Variants in LRBA observed in about 807,000 individuals in gnomAD.
LRBA encodes the protein LPS responsive beige-like anchor protein, also known as lipopolysaccharide-responsive and beige-like anchor protein.
LRBA carries 176 observed loss-of-function variants against 330.0 expected under a neutral mutation model. That is an observed-to-expected ratio of 0.53 (90% CI 0.47 to 0.60). The LOEUF (loss-of-function observed/expected upper bound fraction) is 0.60. Ranked by LOEUF, LRBA falls within the 20% of genes least tolerant of loss-of-function variation. The pLI, the probability that LRBA is intolerant of heterozygous loss-of-function variation, is 0.00. For missense variants in LRBA, 3,259 were observed against 3,444.8 expected (o/e 0.95, Z 1.35); for synonymous variants, 1,230 against 1,193.0 (o/e 1.03, Z -0.64).
At chr4:150,690,411 G>C (rs1017184743) in intron 36 of LRBA, among the ~76,000 whole-genome samples, 6 of 151,682 alleles carry the variant, frequency 4.0e-5, no homozygotes, top group African/African-American at 1.5e-4. Context: ...GCTGAGGCAG[G>C]AGAAACGTTT....
chr4:150,920,093 T>C (rs968177288), intron 5 of LRBA, among the ~76,000 whole-genome samples: 1 of 152,216 alleles, frequency 6.6e-6, no homozygotes, highest in African/African-American at 2.4e-5. Flanking sequence ...ATTGTGTATA[T>C]AACATTTAAA....
chr4:150,365,714 C>T (rs1739368652), intron 47 of LRBA, among the ~76,000 whole-genome samples: 1 of 148,286 alleles, frequency 6.7e-6, no homozygotes, highest in South Asian at 2.1e-4. Context: ...TCTCTTGAAC[C>T]AGGGAGACAG....
At chr4:150,893,257 T>C (rs773632450) in intron 16 of LRBA, 108 bp from the exon 17 acceptor site, 3 of 621,178 alleles carry the variant, frequency 4.8e-6, no homozygotes, top group Middle Eastern at 4.3e-4. Flanking sequence ...TAAGTAGACA[T>C]ATGTGTGATA....
At chr4:150,708,449 T>C (rs1029452653) in intron 36 of LRBA, among the ~76,000 whole-genome samples, 35 of 151,844 alleles carry the variant, frequency 2.3e-4, no homozygotes, top group Admixed American at 2.2e-3. Flanking sequence ...TCTACAGTTA[T>C]GTTATAAAGT....
At chr4:150,325,946 G>A in intron 48 of LRBA, 48 bp from the exon 49 acceptor site, 5 of 1,006,578 alleles carry the variant, frequency 5.0e-6, no homozygotes, top group Admixed American at 1.8e-5. Flanking sequence ...GCTAATTACA[G>A]GAAATAGAAC....
chr4:150,908,239 G>T, intron 11 of LRBA, 95 bp downstream of exon 11: 1 of 1,222,320 alleles, frequency 8.2e-7, no homozygotes, highest in Non-Finnish European at 1.2e-6. Context: ...AAATTATTTT[G>T]ACACAACAAA....
intron 34 of LRBA, among the ~76,000 whole-genome samples, chr4:150,776,863 T>C (rs192477670): frequency 4.6e-5 from 7 of 152,166 alleles, no homozygotes; most frequent in Non-Finnish European, 8.8e-5. Context: ...GAATAGTAGA[T>C]GAATAAAAAA....
intron 40 of LRBA, among the ~76,000 whole-genome samples, chr4:150,512,300 A>T (rs2152138075): frequency 6.6e-6 from 1 of 152,300 alleles, no homozygotes; most frequent in East Asian, 1.9e-4. Flanking sequence ...TTTCATAACT[A>T]CTAAGGAACT....
intron 53 of LRBA, among the ~76,000 whole-genome samples, chr4:150,301,762 T>C (rs577607942): frequency 4.6e-5 from 7 of 152,144 alleles, no homozygotes; most frequent in Non-Finnish European, 1.0e-4. Flanking sequence ...AAGAATGTGA[T>C]CCTTCCTTAA....
intron 40 of LRBA, among the ~76,000 whole-genome samples, chr4:150,520,390 AT>A (rs200606360): frequency 6.6e-6 from 1 of 151,244 alleles, no homozygotes; most frequent in South Asian, 2.1e-4. Flanking sequence ...TTTAGGTTTT[AT>A]TTTTTTTTCC....
At chr4:150,852,964 C>A in intron 22 of LRBA, 21 bp from the exon 23 acceptor site, 2 of 1,467,068 alleles carry the variant, frequency 1.4e-6, no homozygotes, top group South Asian at 1.4e-5. Flanking sequence ...AATGTACAAT[C>A]AGTTAAAATA....
At chr4:150,936,402 A>G (rs1762436330) in intron 2 of LRBA, among the ~76,000 whole-genome samples, 1 of 152,052 alleles carries the variant, frequency 6.6e-6, no homozygotes, top group Admixed American at 6.5e-5. Flanking sequence ...GGTCTGGTCC[A>G]GGTCCAAGAA....
intron 53 of LRBA, among the ~76,000 whole-genome samples, chr4:150,300,382 C>A (rs901950861): frequency 2.6e-5 from 4 of 151,932 alleles, no homozygotes; most frequent in Admixed American, 2.0e-4. Context: ...GCTAGCATTA[C>A]TAGGAGGTAA....
chr4:150,610,927 A>G (rs1471160320), intron 37 of LRBA, among the ~76,000 whole-genome samples: 2 of 152,194 alleles, frequency 1.3e-5, no homozygotes, highest in Admixed American at 6.5e-5. Flanking sequence ...ATTCTATTTA[A>G]TCAATATATC....
At chr4:150,312,783 G>A (rs1028598381) in intron 51 of LRBA, among the ~76,000 whole-genome samples, 9 of 152,022 alleles carry the variant, frequency 5.9e-5, no homozygotes, top group Non-Finnish European at 1.2e-4. Flanking sequence ...ATCACTATAT[G>A]AATTGCCACT....
chr4:150,933,459 T>C (rs1321029167), intron 2 of LRBA, among the ~76,000 whole-genome samples: 3 of 151,664 alleles, frequency 2.0e-5, no homozygotes, highest in African/African-American at 7.3e-5. Flanking sequence ...CCACATGATA[T>C]GAAAAGATCT....
chr4:151,011,609 A>AG (rs1242763337), intron 2 of LRBA, among the ~76,000 whole-genome samples: 1 of 120,156 alleles, frequency 8.3e-6, no homozygotes, highest in Non-Finnish European at 1.6e-5. Flanking sequence ...AAAAAAAAAA[A>AG]AAAAAAAAAG....
chr4:150,812,010 C>T (rs1407775883), intron 31 of LRBA, among the ~76,000 whole-genome samples: 1 of 151,850 alleles, frequency 6.6e-6, no homozygotes, highest in African/African-American at 2.4e-5. Flanking sequence ...GACACTTTAC[C>T]AACACGGATA....
At chr4:150,893,298 A>G in intron 16 of LRBA, 149 bp from the exon 17 acceptor site, 1 of 569,342 alleles carries the variant, frequency 1.8e-6, no homozygotes, top group South Asian at 2.6e-5. Flanking sequence ...TATGTTCTTT[A>G]AATGTAAACA....
Sources: allele counts gnomAD v4.1 joint callset (sites outside exome capture counted in the v4.1 genomes callset), GRCh38; gene constraint gnomAD v4.1.1; transcripts MANE v1.5; gene names NCBI Gene and HGNC (gene_info 2026-07-23, HGNC 2026-07-21).